Variants in TENM2 observed in about 807,000 individuals in gnomAD.
TENM2 encodes teneurin-2.
A neutral mutation model predicts 245.2 loss-of-function variants in TENM2; 52 were observed. The observed-to-expected ratio is 0.21, with a 90% CI of 0.17 to 0.27. The LOEUF (loss-of-function observed/expected upper bound fraction) is 0.27, where lower values mean the gene tolerates loss of function less well. Among genes scored for constraint, TENM2 ranks in the 10% least tolerant of loss-of-function variants. The pLI is 1.00. For synonymous variants in TENM2, 1,363 were observed against 1,438.9 expected, an observed-to-expected ratio of 0.95 and a Z score of 1.19; for missense variants, 3,046 against 3,666.8, an observed-to-expected ratio of 0.83 and a Z score of 4.37.
intron 2 of TENM2, among the ~76,000 whole-genome samples, chr5:167,756,058 A>G (rs1762291542): frequency 6.6e-6 from 1 of 152,152 alleles, no homozygotes; most frequent in Admixed American, 6.6e-5. Flanking sequence ...TTTTTAAACA[A>G]GGAAACTCAA....
chr5:167,043,193 G>A, the TENM2 span, among the ~76,000 whole-genome samples: 12 of 152,170 alleles, frequency 7.9e-5, no homozygotes, highest in Non-Finnish European at 1.5e-4. Context: ...AATCGTTTAT[G>A]AAGCACCTAC....
chr5:167,035,703 A>G, the TENM2 span, among the ~76,000 whole-genome samples: 4 of 152,220 alleles, frequency 2.6e-5, no homozygotes, highest in Non-Finnish European at 5.9e-5. Context: ...GGGGAGACAG[A>G]GATTATGCCA....
chr5:167,530,942 G>A (rs1231272953), intron 2 of TENM2, among the ~76,000 whole-genome samples: 1 of 152,152 alleles, frequency 6.6e-6, no homozygotes, highest in African/African-American at 2.4e-5. Context: ...GGCTGAAGAG[G>A]GTACAGGACT....
At chr5:167,149,686 G>A in the TENM2 span, among the ~76,000 whole-genome samples, 1 of 152,092 alleles carries the variant, frequency 6.6e-6, no homozygotes, top group Non-Finnish European at 1.5e-5. Flanking sequence ...TGTTCTAGCT[G>A]TTTCTACTTA....
chr5:167,132,132 T>G, the TENM2 span, among the ~76,000 whole-genome samples: 1 of 152,190 alleles, frequency 6.6e-6, no homozygotes, highest in Admixed American at 6.5e-5. Flanking sequence ...TCTTTGGTAT[T>G]TTTAATTTTT....
intron 2 of TENM2, among the ~76,000 whole-genome samples, chr5:167,693,697 G>T (rs1582769477): frequency 6.6e-6 from 1 of 151,562 alleles, no homozygotes; most frequent in Admixed American, 6.6e-5. Context: ...AGAGTGAAGG[G>T]CCTGGAGTTG....
intron 3 of TENM2, among the ~76,000 whole-genome samples, chr5:167,894,675 C>G (rs996982420): frequency 1.3e-5 from 2 of 152,220 alleles, no homozygotes; most frequent in Admixed American, 6.5e-5. Flanking sequence ...CCCAACAGTG[C>G]CCTGCACTTA....
the TENM2 span, among the ~76,000 whole-genome samples, chr5:167,021,138 TAAAAA>T: frequency 8.1e-6 from 1 of 123,838 alleles, no homozygotes; most frequent in Admixed American, 9.8e-5. Flanking sequence ...TCTCAAAAAA[TAAAAA>T]TAAAATAAAA....
chr5:167,059,028 G>A, the TENM2 span, among the ~76,000 whole-genome samples: 5 of 152,096 alleles, frequency 3.3e-5, no homozygotes, highest in African/African-American at 4.8e-5. Context: ...TAATTCTCTT[G>A]CCTTAGGGGA....
At chr5:167,199,742 A>G in the TENM2 span, among the ~76,000 whole-genome samples, 3 of 152,070 alleles carry the variant, frequency 2.0e-5, no homozygotes, top group African/African-American at 7.2e-5. Context: ...CATGTTCCCC[A>G]ACAAGCTTTC....
At chr5:167,239,657 A>C in the TENM2 span, among the ~76,000 whole-genome samples, 6 of 152,244 alleles carry the variant, frequency 3.9e-5, no homozygotes, top group African/African-American at 1.4e-4. Flanking sequence ...GCTTGTACTC[A>C]GTACTAGAAC....
chr5:167,858,598 A>G (rs867444921), intron 2 of TENM2, among the ~76,000 whole-genome samples: 1 of 151,840 alleles, frequency 6.6e-6, no homozygotes. Flanking sequence ...CCGTCCGGCC[A>G]TGGTGGCCGC....
intron 27 of TENM2, among the ~76,000 whole-genome samples, chr5:168,250,478 C>T (rs1477986481): frequency 6.6e-6 from 1 of 152,236 alleles, no homozygotes; most frequent in Admixed American, 6.5e-5. Flanking sequence ...CATCGACACT[C>T]AGGTGACTGA....
chr5:167,228,587 C>T, the TENM2 span, among the ~76,000 whole-genome samples: 3 of 151,730 alleles, frequency 2.0e-5, no homozygotes, highest in Admixed American at 2.0e-4. Context: ...TCTTTTTGTT[C>T]TGATCTGTTG....
chr5:168,090,482 T>C (rs1347979001), intron 7 of TENM2, 92 bp from the exon 10 acceptor site: 1 of 1,157,260 alleles, frequency 8.6e-7, no homozygotes, highest in African/African-American at 1.5e-5. Flanking sequence ...AAGGTCTTTC[T>C]CCATTAACAA....
the TENM2 span, among the ~76,000 whole-genome samples, chr5:166,980,945 G>A: frequency 1.3e-5 from 2 of 152,144 alleles, no homozygotes; most frequent in African/African-American, 2.4e-5. Flanking sequence ...TATGTGCCAA[G>A]AATACGTTTG....
intron 25 of TENM2, among the ~76,000 whole-genome samples, chr5:168,228,368 C>T (rs546118065): frequency 1.3e-5 from 2 of 152,218 alleles, no homozygotes; most frequent in South Asian, 2.1e-4. Context: ...TTGGGAAAAA[C>T]GTTCTCCATT....
At chr5:167,257,531 A>G in the TENM2 span, among the ~76,000 whole-genome samples, 1 of 152,248 alleles carries the variant, frequency 6.6e-6, no homozygotes, top group South Asian at 2.1e-4. Context: ...AAATAATAAG[A>G]TGAACCTAAT....
intron 23 of TENM2, among the ~76,000 whole-genome samples, chr5:168,223,923 G>GAA (rs10691179): frequency 0.48 from 72,278 of 150,020 alleles, 17,690 homozygotes; most frequent in Middle Eastern, 0.59. Flanking sequence ...ACCCCTCCCT[G>GAA]AAAAAAAAAG....
Sources: gnomAD v4.1 joint callset for allele counts (sites outside exome capture counted in the v4.1 genomes callset) on GRCh38, gnomAD v4.1.1 for gene constraint, MANE v1.5 for transcripts, NCBI Gene and HGNC (gene_info 2026-07-23, HGNC 2026-07-21) for gene names.